The following CIZ1 variants were observed in gnomAD, a reference collection of about 807,000 sequenced individuals.
The protein encoded by CIZ1 is cip1-interacting zinc finger protein.
CIZ1 carries 58 observed loss-of-function variants against 118.6 expected under a neutral mutation model. The observed-to-expected ratio is 0.49, with a 90% confidence interval of 0.40 to 0.61. The LOEUF is 0.61. Ranked by LOEUF, CIZ1 falls within the 20% of genes least tolerant of loss-of-function variation. CIZ1 has a pLI of 0.00. For missense variants in CIZ1, 921 were observed against 1,115.9 expected, an observed-to-expected ratio of 0.83 and a Z score of 2.49; for synonymous variants, 448 against 443.4, an observed-to-expected ratio of 1.01 and a Z score of -0.13.
chr9:128,166,324 G>T lies in CIZ1; in HGVS notation c.2570C>A (p.Thr857Lys), dbSNP rs753941795. The change falls in exon 17 of 17, where the codon ACA becomes AAA. Residue 857 changes from threonine to lysine, a missense_variant. Coordinates refer to ENST00000372938, the MANE Select transcript of CIZ1 (RefSeq NM_001131016.2). The surrounding 1 kb of genome is among the most constrained non-coding windows in gnomAD (Gnocchi z 4.4). ...RCAINARNAL[T>K]ALFTSSGRPP... ...GCGGCCGCTGGAGGTGAACAGGGCT[G>T]TCAAAGCGTTCCGGGCGTTGATTGC... 3.8e-6 allele frequency: 6 copies of T among 1,568,236 alleles called. No individual in the cohort carries two copies. In the African/African-American group the frequency reaches 8.1e-5, roughly 21 times the overall value.
Position 128,203,930 on chromosome 9 carries a change from T to G in CIZ1, c.-6+256A>C. The G allele has an allele frequency of 4.9e-5, 9 of 184,716 alleles. No individual in the cohort carries two copies. The highest frequency in any genetic ancestry group is 2.0e-3 in the Middle Eastern group (1 of 504). The allele number at this position is 184,716 out of a possible 1,614,324, so 11.4% of individuals were successfully genotyped here. The stretch of plus-strand genomic sequence containing the variant: ...CTGCCAGAAGCCCCGGGCAAAGAGC[T>G]GCCCCCCGCCCCCAACATGGGCATG... On this transcript the variant is annotated intron_variant, in intron 1 of 17. Transcript: ENST00000372948. The surrounding 1 kb of genome is among the most constrained non-coding windows in gnomAD (Gnocchi z 5.3).
At chr9:128,174,689 T>C (rs1392332526) in intron 11 of CIZ1, among the ~76,000 whole-genome samples, 2 of 152,056 alleles carry the variant, frequency 1.3e-5, no homozygotes, top group African/African-American at 2.4e-5. Context: ...TGAGACAGAA[T>C]CTCTCTGTCA....
intron 14 of CIZ1, 60 bp from the exon 15 acceptor site, chr9:128,167,224 G>GT: frequency 7.5e-7 from 1 of 1,337,676 alleles, no homozygotes; most frequent in Non-Finnish European, 1.0e-6. Flanking sequence ...CCCAGACACA[G>GT]GTCGGGGGCC....
chr9:128,197,743 TC>T (rs1564310107), intron 1 of CIZ1: 1 of 152,270 alleles, frequency 6.6e-6, no homozygotes, highest in East Asian at 1.9e-4. Flanking sequence ...CGGAGAAGTT[TC>T]TTTGGACAGT....
rs772616244 is a variant in CIZ1, at chr9:128,177,681, G to A, written c.1703C>T (p.Pro568Leu). The change falls in exon 10 of 17, where the codon CCT becomes CTT. Residue 568 changes from proline (P) to leucine (L), a missense_variant. Transcript: ENST00000372938. ...SRAFSTVPLT[P>L]VPRPSDSVSS... is the part of the protein sequence containing the mutation. ...GACGGAGTCACTGGGGCGGGGGACA[G>A]GTGTCAGGGGTACAGTGCTAAAGGC... 1.8e-5 allele frequency: 29 copies of A among 1,605,072 alleles called. No homozygotes were observed. The highest frequency in any genetic ancestry group is 3.4e-6 in the Non-Finnish European group (4 of 1,176,002).
chr9:128,190,942 C>T (rs1053878998), intron 1 of CIZ1, 80 bp from the exon 2 acceptor site: 2 of 1,466,908 alleles, frequency 1.4e-6, no homozygotes, highest in African/African-American at 2.8e-5. Context: ...CGCCACTCCC[C>T]GCAGCCACAG....
intron 4 of CIZ1, 28 bp downstream of exon 4, chr9:128,187,833 TTA>T (rs758366536): frequency 4.5e-4 from 257 of 571,872 alleles, no homozygotes; most frequent in South Asian, 7.8e-4. Flanking sequence ...ATATATACAT[TTA>T]TATATATATA....
Position 128,169,466 on chromosome 9 carries a change from T to C in CIZ1, c.2085A>G (p.Lys695=), listed in dbSNP as rs761816343. The C allele has an allele frequency of 3.4e-5, 55 of 1,614,002 alleles. 1 individual carries two copies. The highest frequency in any genetic ancestry group is 4.5e-5 in the Non-Finnish European group (53 of 1,180,008). ...CGTGCTCCACAAACTTGCGAGGGGT[T>C]TTGAAGTAGCGGTTGCAAACGGTGC... ...PFCTVCNRYF[K]TPRKFVEHVK... is the part of the protein sequence containing the mutation. The change falls in exon 13 of 17, where the codon AAA becomes AAG. Residue 695 remains lysine, a synonymous_variant. Transcript: ENST00000372938.
At chr9:128,199,194 C>T (rs1157351212) in intron 1 of CIZ1, among the ~76,000 whole-genome samples, 5 of 151,956 alleles carry the variant, frequency 3.3e-5, no homozygotes, top group African/African-American at 9.7e-5. Flanking sequence ...ATGGTGAAAC[C>T]CTGTCTGTAC....
At chr9:128,169,241 A>G in intron 13 of CIZ1, 40 bp from the exon 14 acceptor site, 7 of 1,604,964 alleles carry the variant, frequency 4.4e-6, no homozygotes, top group Non-Finnish European at 6.0e-6. Context: ...TCAGCTCTGA[A>G]CAGCCAGGGG....
chr9:128,176,238 G>A (rs983634258), intron 11 of CIZ1, 113 bp downstream of exon 11: 2 of 1,361,640 alleles, frequency 1.5e-6, no homozygotes, highest in Non-Finnish European at 2.0e-6. Context: ...GAGGAGGCCT[G>A]GCTGGGGGTG....
intron 1 of CIZ1, among the ~76,000 whole-genome samples, chr9:128,200,698 G>A (rs1434828426): frequency 5.9e-5 from 9 of 151,384 alleles, no homozygotes; most frequent in East Asian, 1.9e-4. Flanking sequence ...TTAGCTGGGC[G>A]TGGTGGTGCA....
In CIZ1 at chr9:128,170,038, G is replaced by A. The variant is rs149891863; in HGVS notation, c.2013C>T (p.Arg671=). 2.5e-6 allele frequency: 4 copies of A among 1,613,760 alleles called. No homozygotes were observed. The highest frequency in any genetic ancestry group is 2.7e-5 in the African/African-American group (2 of 74,926). ...CTCCTACCTTGTGGTCCTGTGTCCT[G>A]CGGTGTTGGATCAGGTCCCCCATGT... ...LYYMGDLIQH[R]RTQDHKIAKQ... The change falls in exon 12 of 17, where the codon CGC becomes CGT. Residue 671 remains arginine (R), a synonymous_variant. Transcript: ENST00000372938.
At chr9:128,181,088 C>T (rs966643043) in intron 5 of CIZ1, among the ~76,000 whole-genome samples, 8 of 152,124 alleles carry the variant, frequency 5.3e-5, no homozygotes, top group African/African-American at 1.9e-4. Context: ...CCTGACTTCC[C>T]ACCCAGTTTT....
chr9:128,198,607 G>T (rs45539240), intron 1 of CIZ1, among the ~76,000 whole-genome samples: 3 of 151,884 alleles, frequency 2.0e-5, no homozygotes, highest in African/African-American at 7.3e-5. Flanking sequence ...GCCGAGGCGG[G>T]CAGATCACGA....
chr9:128,183,502 G>A (rs1488829826), intron 5 of CIZ1, among the ~76,000 whole-genome samples: 3 of 152,224 alleles, frequency 2.0e-5, no homozygotes, highest in Non-Finnish European at 2.9e-5. Context: ...AGCAAAGGGG[G>A]CATTGCCCCT....
chr9:128,193,987 G>A (rs975524656), upstream of CIZ1, among the ~76,000 whole-genome samples: 1 of 152,172 alleles, frequency 6.6e-6, no homozygotes, highest in African/African-American at 2.4e-5. Flanking sequence ...TAAAAATAAT[G>A]CTTGTGCTGG....
At chr9:128,179,703 G>A (rs772772630) in intron 7 of CIZ1, among the ~76,000 whole-genome samples, 13 of 151,666 alleles carry the variant, frequency 8.6e-5, no homozygotes, top group Admixed American at 2.6e-4. Flanking sequence ...ATGGAGTTTC[G>A]CTCTTGTTGC....
chr9:128,178,753 A>G lies in CIZ1; in HGVS notation c.1454T>C (p.Val485Ala), dbSNP rs377041218. 3 of 1,614,124 alleles carry G rather than the reference A, an allele frequency of 1.9e-6. No homozygotes were observed. Among genetic ancestry groups the G allele is most frequent in the Non-Finnish European group, 2.5e-6 (3 of 1,180,042 alleles). The change falls in exon 8 of 17, where the codon GTC becomes GCC. Residue 485 changes from valine to alanine, a missense_variant. Physicochemically the swap from Val to Ala is moderately conservative, Grantham distance 64. Coordinates refer to ENST00000372938, the MANE Select transcript of CIZ1 (RefSeq NM_001131016.2). ...ATCAGGTGGCATCTCCAGCCCGCAG[A>G]CATGAACCACAACTGGTGTTTGCTC... ...APEQTPVVVHVCGLEMPPDAV... is the reference protein window; with the variant it reads ...APEQTPVVVHACGLEMPPDAV...
Sources: gnomAD v4.1 joint callset for allele counts (sites outside exome capture counted in the v4.1 genomes callset) on GRCh38, gnomAD v4.1.1 for gene constraint, Gnocchi (gnomAD v3.1) non-coding constraint, MANE v1.5 for transcripts, NCBI Gene and HGNC (gene_info 2026-07-23, HGNC 2026-07-21) for gene names.